Variants in MATCAP2 observed in about 807,000 individuals in gnomAD.
MATCAP2 encodes putative tyrosine carboxypeptidase MATCAP2.
the MATCAP2 span, among the ~76,000 whole-genome samples, chr7:36,331,497 A>G: frequency 6.6e-6 from 1 of 152,224 alleles, no homozygotes. Flanking sequence ...GTACATCTCA[A>G]TAAAGGTAGT....
the MATCAP2 span, among the ~76,000 whole-genome samples, chr7:36,378,617 A>G: frequency 6.6e-6 from 1 of 152,236 alleles, no homozygotes; most frequent in Non-Finnish European, 1.5e-5. Flanking sequence ...TGGGAGAACC[A>G]CTGCTCTCTT....
chr7:36,363,613 T>C, the MATCAP2 span, among the ~76,000 whole-genome samples: 1 of 152,206 alleles, frequency 6.6e-6, no homozygotes, highest in Non-Finnish European at 1.5e-5. Flanking sequence ...GTCACTATAA[T>C]AGTGAGCTGA....
chr7:36,383,222 A>G, the MATCAP2 span, among the ~76,000 whole-genome samples: 1 of 152,236 alleles, frequency 6.6e-6, no homozygotes, highest in African/African-American at 2.4e-5. Context: ...TCAATAACAT[A>G]TAGATAACAT....
chr7:36,334,254 C>T, the MATCAP2 span: 23 of 1,129,430 alleles, frequency 2.0e-5, no homozygotes, highest in Non-Finnish European at 2.9e-5. Flanking sequence ...ATCCTAAAAC[C>T]AGCCAGGCGC....
chr7:36,382,299 C>CA, the MATCAP2 span, among the ~76,000 whole-genome samples: 375 of 62,834 alleles, frequency 6.0e-3, 4 homozygotes, highest in Middle Eastern at 0.011. Flanking sequence ...GCGTCTGTCT[C>CA]AAAAAAAAAA....
chr7:36,359,122 TATGAG>T, the MATCAP2 span, among the ~76,000 whole-genome samples: 5 of 152,334 alleles, frequency 3.3e-5, no homozygotes, highest in East Asian at 7.7e-4. Flanking sequence ...ACCATTCAAA[TATGAG>T]ATAACTGCAG....
the MATCAP2 span, chr7:36,335,061 G>C: frequency 2.5e-6 from 4 of 1,613,104 alleles, no homozygotes; most frequent in Non-Finnish European, 3.4e-6. Flanking sequence ...TCATGCCTCA[G>C]CATTCCCTCC....
At chr7:36,336,445 A>C in the MATCAP2 span, 3 of 694,248 alleles carry the variant, frequency 4.3e-6, no homozygotes, top group South Asian at 2.4e-5. Flanking sequence ...TTCTAATCCT[A>C]AACAACTTCC....
chr7:36,336,775 T>C, the MATCAP2 span, among the ~76,000 whole-genome samples: 3 of 151,850 alleles, frequency 2.0e-5, no homozygotes, highest in Non-Finnish European at 4.4e-5. Context: ...CCAAAAACTA[T>C]TGAAATAAAA....
chr7:36,376,662 C>T, the MATCAP2 span, among the ~76,000 whole-genome samples: 10 of 152,072 alleles, frequency 6.6e-5, no homozygotes, highest in South Asian at 2.1e-4. Flanking sequence ...CCTTCTGTCT[C>T]GTTGATCTGT....
chr7:36,362,849 C>T, the MATCAP2 span, among the ~76,000 whole-genome samples: 1 of 152,216 alleles, frequency 6.6e-6, no homozygotes, highest in East Asian at 1.9e-4. Flanking sequence ...CCTTCCTTAA[C>T]TTTTTCATTT....
chr7:36,360,024 G>C, the MATCAP2 span, among the ~76,000 whole-genome samples: 2 of 152,190 alleles, frequency 1.3e-5, no homozygotes. Context: ...GAGGAAATCA[G>C]GTTGTTTTCT....
At chr7:36,336,789 T>A in the MATCAP2 span, among the ~76,000 whole-genome samples, 58 of 151,892 alleles carry the variant, frequency 3.8e-4, no homozygotes, top group Middle Eastern at 3.4e-3. Context: ...AATAAAAATT[T>A]TAAAAAAATT....
At chr7:36,373,037 G>A in the MATCAP2 span, among the ~76,000 whole-genome samples, 2 of 151,610 alleles carry the variant, frequency 1.3e-5, no homozygotes, top group South Asian at 4.2e-4. Context: ...TCCCAGGGGC[G>A]GAGGTTGCAG....
chr7:36,361,199 C>T, the MATCAP2 span, among the ~76,000 whole-genome samples: 1 of 152,194 alleles, frequency 6.6e-6, no homozygotes, highest in African/African-American at 2.4e-5. Context: ...CCATTCCCAG[C>T]TCTTTCAATG....
At chr7:36,326,833 C>G in the MATCAP2 span, 1 of 1,613,912 alleles carries the variant, frequency 6.2e-7, no homozygotes. Flanking sequence ...TTCCATATAT[C>G]GGCCATGGTC....
the MATCAP2 span, among the ~76,000 whole-genome samples, chr7:36,373,957 A>G: frequency 1.3e-5 from 2 of 152,010 alleles, no homozygotes; most frequent in Admixed American, 1.3e-4. Context: ...ATTTTTTAGT[A>G]AAGACAGGGT....
the MATCAP2 span, among the ~76,000 whole-genome samples, chr7:36,376,364 G>T: frequency 6.6e-6 from 1 of 152,150 alleles, no homozygotes. Flanking sequence ...TAGTCATTCA[G>T]GAGCAGGTTG....
chr7:36,385,008 G>A, the MATCAP2 span, among the ~76,000 whole-genome samples: 7,814 of 152,222 alleles, frequency 0.051, 313 homozygotes, highest in Non-Finnish European at 0.081. Context: ...AAGACATAGA[G>A]CAGCTCCAAA....
Sources: gnomAD v4.1 joint callset for allele counts (sites outside exome capture counted in the v4.1 genomes callset) on GRCh38, gnomAD v4.1.1 for gene constraint, MANE v1.5 for transcripts, NCBI Gene and HGNC (gene_info 2026-07-23, HGNC 2026-07-21) for gene names.